Variants in TTC28 observed in about 807,000 individuals in gnomAD.
TTC28 encodes the protein tetratricopeptide repeat domain 28, also known as tetratricopeptide repeat protein 28.
In TTC28, 61 loss-of-function variants were observed where a neutral mutation model predicts 198.0. That is an observed-to-expected ratio of 0.31 (90% confidence interval 0.25 to 0.38). The LOEUF (loss-of-function observed/expected upper bound fraction) is 0.38, where lower values mean the gene tolerates loss of function less well. Ranked by LOEUF, TTC28 falls within the 10% of genes least tolerant of loss-of-function variation. TTC28 has a pLI of 1.00. For missense variants in TTC28, 2,678 were observed against 3,164.0 expected (o/e 0.85, Z 3.69); for synonymous variants, 1,171 against 1,297.8 (o/e 0.90, Z 2.10).
chr22:28,151,285 A>G (rs1943602998), intron 6 of TTC28, among the ~76,000 whole-genome samples: 1 of 152,216 alleles, frequency 6.6e-6, no homozygotes. Flanking sequence ...CTACAAATGA[A>G]CCAAGTGCCA....
chr22:28,015,521 C>T (rs918884688), intron 13 of TTC28, among the ~76,000 whole-genome samples: 4 of 151,990 alleles, frequency 2.6e-5, no homozygotes. Flanking sequence ...CTCCTGGGCC[C>T]AAGTGCTCCT....
intron 2 of TTC28, among the ~76,000 whole-genome samples, chr22:28,567,475 CATACATATAT>C (rs1257210347): frequency 4.4e-4 from 6 of 13,780 alleles, no homozygotes; most frequent in East Asian, 4.3e-3. Flanking sequence ...CATATACATA[CATACATATAT>C]ATATATATAT....
intron 2 of TTC28, among the ~76,000 whole-genome samples, chr22:28,312,030 A>G (rs1269639777): frequency 1.3e-5 from 2 of 149,892 alleles, no homozygotes; most frequent in Non-Finnish European, 3.0e-5. Context: ...AAGCAAATAG[A>G]AAGCAAAAAA....
At chr22:28,494,475 C>T (rs952965500) in intron 2 of TTC28, among the ~76,000 whole-genome samples, 2 of 152,154 alleles carry the variant, frequency 1.3e-5, no homozygotes, top group African/African-American at 2.4e-5. Context: ...TGCCAACTAC[C>T]CCTCACTAGA....
chr22:28,340,109 G>T (rs2045805366), intron 2 of TTC28, among the ~76,000 whole-genome samples: 1 of 152,018 alleles, frequency 6.6e-6, no homozygotes, highest in Non-Finnish European at 1.5e-5. Context: ...TGTTCTCCCT[G>T]ATCACACTAG....
chr22:28,586,957 C>A (rs1459080255), intron 2 of TTC28, among the ~76,000 whole-genome samples: 1 of 152,146 alleles, frequency 6.6e-6, no homozygotes, highest in Non-Finnish European at 1.5e-5. Flanking sequence ...GGTGGTAGCT[C>A]ACGTGTGTAA....
At chr22:28,107,008 A>G in intron 7 of TTC28, 54 bp downstream of exon 7, 4 of 1,489,736 alleles carry the variant, frequency 2.7e-6, no homozygotes, top group South Asian at 1.4e-5. Flanking sequence ...CTTTACTGCC[A>G]CAAATGCTCT....
chr22:28,520,179 C>G (rs1456006612), intron 2 of TTC28, among the ~76,000 whole-genome samples: 1 of 151,996 alleles, frequency 6.6e-6, no homozygotes, highest in Non-Finnish European at 1.5e-5. Flanking sequence ...AAATAGAAGA[C>G]AGAAGGCAAT....
intron 2 of TTC28, among the ~76,000 whole-genome samples, chr22:28,329,331 C>T (rs2045581173): frequency 6.6e-6 from 1 of 152,104 alleles, no homozygotes; most frequent in African/African-American, 2.4e-5. Context: ...TTGAAATACA[C>T]TGTTTCTCTG....
intron 2 of TTC28, among the ~76,000 whole-genome samples, chr22:28,445,742 A>G (rs1367874251): frequency 6.6e-6 from 1 of 152,132 alleles, no homozygotes; most frequent in Non-Finnish European, 1.5e-5. Context: ...TATCATATAG[A>G]AAGGCTGTCT....
At chr22:28,319,142 G>C (rs2145843144) in intron 2 of TTC28, among the ~76,000 whole-genome samples, 1 of 152,142 alleles carries the variant, frequency 6.6e-6, no homozygotes, top group South Asian at 2.1e-4. Flanking sequence ...AATTTATTCT[G>C]TAGAAAAATG....
intron 12 of TTC28, among the ~76,000 whole-genome samples, chr22:28,059,007 G>A (rs1424183456): frequency 1.3e-5 from 2 of 151,976 alleles, no homozygotes; most frequent in Non-Finnish European, 2.9e-5. Context: ...CAGTATCACT[G>A]AGGGTTTGGT....
At chr22:28,258,226 C>CAATGG (rs1931092233) in intron 5 of TTC28, among the ~76,000 whole-genome samples, 1 of 152,120 alleles carries the variant, frequency 6.6e-6, no homozygotes, top group Non-Finnish European at 1.5e-5. Flanking sequence ...ACAGGTCACA[C>CAATGG]AATGGAATTT....
At chr22:28,130,897 C>T (rs1469314652) in intron 6 of TTC28, among the ~76,000 whole-genome samples, 1 of 152,074 alleles carries the variant, frequency 6.6e-6, no homozygotes, top group Non-Finnish European at 1.5e-5. Context: ...TACTTTTTTC[C>T]CAAACTACAA....
At chr22:28,026,173 G>A (rs181759889) in intron 13 of TTC28, among the ~76,000 whole-genome samples, 441 of 152,318 alleles carry the variant, frequency 2.9e-3, no homozygotes, top group Non-Finnish European at 4.2e-3. Context: ...TGACCCTCAG[G>A]TGTTGAGGGC....
intron 12 of TTC28, among the ~76,000 whole-genome samples, chr22:28,083,802 C>A (rs1034798134): frequency 6.6e-6 from 1 of 152,172 alleles, no homozygotes; most frequent in Non-Finnish European, 1.5e-5. Context: ...AAAATCGGGT[C>A]ACTCCCACCC....
intron 5 of TTC28, among the ~76,000 whole-genome samples, chr22:28,239,678 G>T (rs562462000): frequency 2.6e-5 from 4 of 152,196 alleles, no homozygotes; most frequent in South Asian, 2.1e-4. Context: ...GGTTTTTTGG[G>T]TTTTTTTCCC....
In TTC28 at chr22:28,156,072, G is replaced by A. The variant is rs573140343; in HGVS notation, c.1441+7020C>T. On this transcript the variant is annotated intron_variant, in intron 6 of 22. Transcript: ENST00000397906. ...AAAACAAGAAAATAAATCAAATGAT[G>A]ACTTCAGAGTTCTAAGTCAGGATGG... Among the ~76,000 whole-genome samples the A allele has an allele frequency of 2.0e-5, 3 of 152,326 alleles. No homozygotes were observed. The East Asian group carries it at 5.8e-4, about 29-fold the overall frequency.
intron 2 of TTC28, among the ~76,000 whole-genome samples, chr22:28,408,881 G>C (rs1479681204): frequency 6.6e-6 from 1 of 152,206 alleles, no homozygotes; most frequent in Non-Finnish European, 1.5e-5. Context: ...AGATGGTACA[G>C]TTACTCAGAG....
Sources: allele counts gnomAD v4.1 joint callset (sites outside exome capture counted in the v4.1 genomes callset), GRCh38; gene constraint gnomAD v4.1.1; transcripts MANE v1.5; gene names NCBI Gene and HGNC (gene_info 2026-07-23, HGNC 2026-07-21).